Variants in SLC30A8 observed in about 807,000 individuals in gnomAD.
The protein encoded by SLC30A8 is proton-coupled zinc antiporter SLC30A8.
Under a neutral mutation model 36.9 loss-of-function variants are expected in SLC30A8, and 27 were observed. The ratio of observed to expected loss-of-function variants is 0.73; its 90% CI spans 0.54 to 1.01. The LOEUF (loss-of-function observed/expected upper bound fraction) is 1.01, where lower values mean the gene tolerates loss of function less well. Among genes scored for constraint, SLC30A8 ranks in the 50% least tolerant of loss-of-function variants. The pLI, the probability that SLC30A8 is intolerant of heterozygous loss-of-function variation, is 0.00. For missense variants in SLC30A8, 439 were observed against 452.0 expected, an observed-to-expected ratio of 0.97 and a Z score of 0.26; for synonymous variants, 164 against 172.4, an observed-to-expected ratio of 0.95 and a Z score of 0.38.
intron 1 of SLC30A8, among the ~76,000 whole-genome samples, chr8:116,970,926 C>A (rs544766333): frequency 6.6e-6 from 1 of 152,260 alleles, no homozygotes; most frequent in South Asian, 2.1e-4. Flanking sequence ...GAAACCCCGT[C>A]TCTACTAAAA....
chr8:117,065,723 T>C (rs191967767), intron 2 of SLC30A8, among the ~76,000 whole-genome samples: 2 of 152,156 alleles, frequency 1.3e-5, no homozygotes, highest in Admixed American at 6.5e-5. Context: ...GCTGGGGCAA[T>C]TGGTTGCTTC....
upstream of SLC30A8, among the ~76,000 whole-genome samples, chr8:117,134,582 G>A (rs1821274393): frequency 6.6e-6 from 1 of 151,968 alleles, no homozygotes; most frequent in Non-Finnish European, 1.5e-5. Context: ...TTGATCCTTA[G>A]TAGAGGGTAC....
chr8:116,993,497 T>C (rs1017899628), intron 1 of SLC30A8, among the ~76,000 whole-genome samples: 1 of 152,026 alleles, frequency 6.6e-6, no homozygotes. Flanking sequence ...GCAGGAAAAG[T>C]GATCTATCAT....
At chr8:117,036,522 G>A (rs1817217092) in intron 1 of SLC30A8, among the ~76,000 whole-genome samples, 1 of 152,124 alleles carries the variant, frequency 6.6e-6, no homozygotes, top group Non-Finnish European at 1.5e-5. Context: ...ATTGACTCAC[G>A]GTTCGACATG....
intron 2 of SLC30A8, among the ~76,000 whole-genome samples, chr8:117,044,404 G>A (rs1384793143): frequency 6.6e-6 from 1 of 152,168 alleles, no homozygotes; most frequent in Non-Finnish European, 1.5e-5. Flanking sequence ...ACGAGGCCTG[G>A]AAACCAAAGG....
chr8:117,024,095 A>G (rs1332977807), intron 1 of SLC30A8, among the ~76,000 whole-genome samples: 1 of 152,224 alleles, frequency 6.6e-6, no homozygotes, highest in African/African-American at 2.4e-5. Flanking sequence ...GTCTAGTATC[A>G]ATGTTTTGAA....
At chr8:117,116,913 C>T (rs1384973266) in intron 2 of SLC30A8, among the ~76,000 whole-genome samples, 1 of 151,900 alleles carries the variant, frequency 6.6e-6, no homozygotes, top group Non-Finnish European at 1.5e-5. Flanking sequence ...GGGCAAGAGC[C>T]CTTCTTAGAA....
chr8:117,097,354 G>T (rs1162130917), intron 2 of SLC30A8, among the ~76,000 whole-genome samples: 1 of 115,408 alleles, frequency 8.7e-6, no homozygotes, highest in South Asian at 2.7e-4. Context: ...CCGAGATCGC[G>T]CCACTGCACT....
At position 117,162,294 on chromosome 8, in the gene SLC30A8, A is replaced by C. The variant is rs56981483; in HGVS notation, c.723+406A>C. 5.3e-3 allele frequency among the ~76,000 whole-genome samples: 806 copies of C among 152,252 alleles called. 7 individuals carry two copies. The highest frequency in any genetic ancestry group is 0.018 in the African/African-American group (759 of 41,548). ...ACAAATTTTTTTTTCTGTTTTTGTC[A>C]CTTCTGAAGAATGATATTTCTGTGA... On this transcript the variant is annotated intron_variant, in intron 5 of 7. Transcript: ENST00000456015.
At chr8:117,023,845 A>G (rs1031605127) in intron 1 of SLC30A8, among the ~76,000 whole-genome samples, 7 of 151,996 alleles carry the variant, frequency 4.6e-5, no homozygotes, top group Non-Finnish European at 8.8e-5. Context: ...CATTGTGCAC[A>G]TGTACCCTAA....
chr8:117,057,976 A>G (rs887462286), intron 2 of SLC30A8, among the ~76,000 whole-genome samples: 5 of 152,152 alleles, frequency 3.3e-5, no homozygotes, highest in Non-Finnish European at 5.9e-5. Context: ...ACTGTTTTTC[A>G]TAGTGGCTAT....
chr8:117,117,599 G>T (rs1820500714), intron 2 of SLC30A8, among the ~76,000 whole-genome samples: 1 of 151,944 alleles, frequency 6.6e-6, no homozygotes, highest in East Asian at 1.9e-4. Context: ...GAATCCCCCA[G>T]ATGTAATTTA....
chr8:117,046,580 T>C (rs1817558535), intron 2 of SLC30A8, among the ~76,000 whole-genome samples: 1 of 152,218 alleles, frequency 6.6e-6, no homozygotes, highest in Non-Finnish European at 1.5e-5. Context: ...CTAAAATTTA[T>C]TGAATGCCTG....
intron 2 of SLC30A8, among the ~76,000 whole-genome samples, chr8:117,127,256 C>T (rs550629894): frequency 9.9e-5 from 15 of 152,158 alleles, no homozygotes; most frequent in Middle Eastern, 3.4e-3. Flanking sequence ...TGATGGGCAG[C>T]TCATACTTAT....
Position 117,027,734 on chromosome 8 carries a change from C to A in SLC30A8, c.-265-11485C>A, listed in dbSNP as rs951090333. On this transcript the variant is annotated intron_variant, in intron 1 of 10. Transcript: ENST00000427715. ...AGTTTAAGAACAAGATAATAAAATT[C>A]TCATTTCTTCATTTCTGAATAGGTT... Among the ~76,000 whole-genome samples the A allele has an allele frequency of 2.0e-5, 3 of 152,204 alleles. No individual in the cohort carries two copies. The East Asian group carries it at 5.8e-4, about 29-fold the overall frequency.
intron 1 of SLC30A8, among the ~76,000 whole-genome samples, chr8:116,982,333 T>A (rs1181782172): frequency 6.6e-6 from 1 of 152,138 alleles, no homozygotes; most frequent in Non-Finnish European, 1.5e-5. Flanking sequence ...CACTTAACAT[T>A]ATTGTCCATA....
intron 1 of SLC30A8, among the ~76,000 whole-genome samples, chr8:117,030,164 A>T (rs1432946194): frequency 6.6e-6 from 1 of 152,030 alleles, no homozygotes; most frequent in Non-Finnish European, 1.5e-5. Context: ...ATGTAGCTAT[A>T]TATCAATAAA....
intron 1 of SLC30A8, among the ~76,000 whole-genome samples, chr8:116,975,801 G>T (rs1399290891): frequency 3.3e-5 from 5 of 152,190 alleles, no homozygotes; most frequent in African/African-American, 9.6e-5. Flanking sequence ...GGCCAGCAAG[G>T]TTGGAAAAGC....
At chr8:117,066,983 A>G (rs140601947) in intron 2 of SLC30A8, among the ~76,000 whole-genome samples, 80 of 152,256 alleles carry the variant, frequency 5.3e-4, no homozygotes, top group African/African-American at 1.7e-3. Context: ...GGTTTAATTG[A>G]CTTACAGTTC....
Sources: allele counts gnomAD v4.1 joint callset (sites outside exome capture counted in the v4.1 genomes callset), GRCh38; gene constraint gnomAD v4.1.1; transcripts MANE v1.5; gene names NCBI Gene and HGNC (gene_info 2026-07-23, HGNC 2026-07-21).